Variants in PLEKHG1 observed in about 807,000 individuals in gnomAD.
PLEKHG1 encodes pleckstrin homology domain-containing family G member 1.
In PLEKHG1, 44 loss-of-function variants were observed where a neutral mutation model predicts 100.8. That is an observed-to-expected ratio of 0.44 (90% CI 0.34 to 0.56). The LOEUF is 0.56. Ranked by LOEUF, PLEKHG1 falls within the 20% of genes least tolerant of loss-of-function variation. The pLI is 0.01. For missense variants in PLEKHG1, 1,545 were observed against 1,720.9 expected (o/e 0.90, Z 1.81); for synonymous variants, 640 against 662.5 (o/e 0.97, Z 0.52).
chr6:150,830,780 G>C, exon 15 of PLEKHG1: 1 of 1,614,136 alleles, frequency 6.2e-7, no homozygotes, highest in Non-Finnish European at 8.5e-7. Context: ...GGATGATGAA[G>C]ATGATTATCA....
In PLEKHG1 at chr6:150,819,730, G is replaced by T. The variant is rs751615254; in HGVS notation, c.1364G>T (p.Gly455Val). The T allele has an allele frequency of 8.1e-6, 13 of 1,612,566 alleles. No individual in the cohort carries two copies. The Middle Eastern group carries it at 8.3e-4, about 102-fold the overall frequency. Residue 455 changes from glycine (G) to valine (V), a missense_variant, in exon 12 of 16, where the codon GGC becomes GTC. Gly to Val is a moderately radical substitution (Grantham distance 109). Coordinates refer to ENST00000358517, the Ensembl canonical transcript of PLEKHG1. ...GAGGGAGGGACGAAAGCACTGTTCGGCTCTAAAGAAGGTTCTGCTCCATAT... is the reference window on the plus strand; with the variant it reads ...GAGGGAGGGACGAAAGCACTGTTCGTCTCTAAAGAAGGTTCTGCTCCATAT...
rs201803922 is a variant in PLEKHG1, at chr6:150,812,691, G to A, written c.1278+2957G>A. ...AGAGCAAAGCAAGACTTCTCGTCTG[G>A]CTCGAATGCCGAGTCCATGAGCAGA... On this transcript the variant is annotated intron_variant, in intron 10 of 15. Transcript: ENST00000358517. Among the ~76,000 whole-genome samples the A allele has an allele frequency of 5.2e-4, 79 of 152,254 alleles. No homozygotes were observed. The East Asian group carries it at 0.015, about 29-fold the overall frequency.
intron 5 of PLEKHG1, among the ~76,000 whole-genome samples, chr6:150,798,622 G>A (rs962535665): frequency 6.6e-6 from 1 of 152,186 alleles, no homozygotes; most frequent in Non-Finnish European, 1.5e-5. Flanking sequence ...TTGAAGGTCA[G>A]ATGCAACTAA....
chr6:150,729,479 G>A lies in PLEKHG1; in HGVS notation c.-98-4105G>A, dbSNP rs1302990919. ...GTTGCATTAGAATAGGCCAGACAGG[G>A]TGGAAATCTTAAATTATTTTGAGGA... is the stretch of plus-strand genomic sequence containing the variant. On this transcript the variant is annotated intron_variant, in intron 1 of 15. Transcript: ENST00000358517. 3.3e-5 allele frequency among the ~76,000 whole-genome samples: 5 copies of A among 152,206 alleles called. No individual in the cohort carries two copies. The East Asian group carries it at 9.6e-4, about 29-fold the overall frequency.
intron 11 of PLEKHG1, 71 bp from the exon 13 acceptor site, chr6:150,819,608 A>C (rs1393761052): frequency 1.3e-6 from 1 of 767,424 alleles, no homozygotes; most frequent in Non-Finnish European, 2.3e-6. Flanking sequence ...ATAAATCTAC[A>C]CTAGCCATAA....
rs143446641 is a variant in PLEKHG1 at position 150,835,293 on chromosome 6, G to T, written c.3094+3088G>T. On this transcript the variant is annotated intron_variant, in intron 15 of 15. Transcript: ENST00000358517. ...GGCCTTTGGGTTTCTGGGTTTTTTGGTGATGTTTCACATGGGAGAAAACTC... is the reference window on the plus strand; with the variant it reads ...GGCCTTTGGGTTTCTGGGTTTTTTGTTGATGTTTCACATGGGAGAAAACTC... Among the ~76,000 whole-genome samples, 1,193 of 152,190 alleles carry T rather than the reference G, an allele frequency of 7.8e-3. 6 individuals are homozygous for T. The highest frequency in any genetic ancestry group is 0.013 in the Non-Finnish European group (857 of 68,002).
intron 10 of PLEKHG1, among the ~76,000 whole-genome samples, chr6:150,816,484 C>T (rs1775967837): frequency 6.6e-6 from 1 of 151,514 alleles, no homozygotes; most frequent in Admixed American, 6.6e-5. Context: ...CACACCACCA[C>T]GCACAGCTAA....
At chr6:150,635,110 G>T (rs9478774) in intron 1 of PLEKHG1, among the ~76,000 whole-genome samples, 11,637 of 152,212 alleles carry the variant, frequency 0.076, 551 homozygotes, top group Non-Finnish European at 0.11. Flanking sequence ...TACCCTTCAC[G>T]GGCTTATCAC....
At chr6:150,768,792 CAAAT>C (rs1784571994) in intron 3 of PLEKHG1, 54 bp downstream of exon 4, 5 of 1,019,534 alleles carry the variant, frequency 4.9e-6, no homozygotes, top group Middle Eastern at 2.1e-4. Flanking sequence ...GAAAATTTCT[CAAAT>C]GAATGCAGCC....
chr6:150,779,471 G>A (rs376299812), intron 3 of PLEKHG1, among the ~76,000 whole-genome samples: 3 of 150,608 alleles, frequency 2.0e-5, no homozygotes, highest in East Asian at 2.0e-4. Flanking sequence ...TCAGTCTCCC[G>A]AGTAGCTGGG....
In PLEKHG1 at chr6:150,722,158, G is replaced by A. The variant is rs1033666561; in HGVS notation, c.-99+958G>A. 3.3e-5 allele frequency among the ~76,000 whole-genome samples: 5 copies of A among 151,826 alleles called. No homozygotes were observed. The East Asian group carries it at 9.7e-4, about 29-fold the overall frequency. On this transcript the variant is annotated intron_variant, in intron 1 of 15. Transcript: ENST00000358517. ...GCATTTTAAATTCAAAATTAGGATC[G>A]TATTATATGTTTTTTAAACTACCCA...
In PLEKHG1 at chr6:150,819,662, C is replaced by T. The variant is rs746216463; in HGVS notation, c.1313-17C>T. On this transcript the variant is annotated splice_polypyrimidine_tract_variant and intron_variant, in intron 11 of 15. Coordinates refer to ENST00000358517, the Ensembl canonical transcript of PLEKHG1. ...CTGACACCACAGTCCCACTGATGCA[C>T]GTGGTTATCTTTACAGATCATCCAG... is the stretch of plus-strand genomic sequence containing the variant. The T allele has an allele frequency of 1.8e-5, 26 of 1,475,154 alleles. No homozygotes were observed. Among genetic ancestry groups the T allele is most frequent in the Middle Eastern group, 1.7e-4 (1 of 5,804 alleles). 91.4% of individuals were successfully genotyped at this position (1,475,154 alleles called of 1,614,324 possible). A position where few individuals can be genotyped will look rare whatever the true frequency, so the allele number is the denominator to read the frequency against.
chr6:150,701,417 T>TTATATATATATATATA lies in PLEKHG1; in HGVS notation c.-98-32132_-98-32117dup, dbSNP rs56982419. On this transcript the variant is annotated intron_variant, in intron 3 of 3. Coordinates refer to the PLEKHG1 transcript ENST00000367326. ...TTTGTAAAGAATAAGCAGTAATTCT[T>TTATATATATATATATA]TATATATATATATATATATATATAT... is the stretch of plus-strand genomic sequence containing the variant. 2.6e-4 allele frequency among the ~76,000 whole-genome samples: 8 copies of TTATATATATATATATA among 31,156 alleles called. 1 individual carries two copies. The highest frequency in any genetic ancestry group is 3.5e-4 in the Admixed American group (1 of 2,846). The allele number at this position is 31,156 out of a possible 152,430, so 20.4% of individuals were successfully genotyped here.
At chr6:150,738,923 A>G (rs567835243) in intron 2 of PLEKHG1, among the ~76,000 whole-genome samples, 1 of 152,306 alleles carries the variant, frequency 6.6e-6, no homozygotes, top group East Asian at 1.9e-4. Flanking sequence ...CCAATGATAC[A>G]ATTTGTGGAG....
intron 2 of PLEKHG1, among the ~76,000 whole-genome samples, chr6:150,752,995 C>G (rs1229731739): frequency 1.6e-4 from 25 of 152,084 alleles, no homozygotes; most frequent in Non-Finnish European, 1.5e-5. Context: ...TTCCTGTAGT[C>G]CAAGCTACTT....
intron 3 of PLEKHG1, among the ~76,000 whole-genome samples, chr6:150,655,015 A>G (rs889677075): frequency 2.6e-5 from 4 of 152,242 alleles, no homozygotes; most frequent in Admixed American, 1.3e-4. Context: ...ATTTTTAAAA[A>G]TATGTAAAGT....
intron 1 of PLEKHG1, among the ~76,000 whole-genome samples, chr6:150,636,871 C>T (rs1267311730): frequency 1.3e-5 from 2 of 152,138 alleles, no homozygotes; most frequent in African/African-American, 4.8e-5. Context: ...TTTGTCTTGT[C>T]TCCAACTTAT....
At chr6:150,747,237 T>C (rs1206406001) in intron 2 of PLEKHG1, among the ~76,000 whole-genome samples, 1 of 152,232 alleles carries the variant, frequency 6.6e-6, no homozygotes, top group Non-Finnish European at 1.5e-5. Flanking sequence ...CAGCCTTCAG[T>C]TGGGAGAAGT....
At chr6:150,761,576 G>A (rs375899281) in intron 2 of PLEKHG1, among the ~76,000 whole-genome samples, 1 of 152,248 alleles carries the variant, frequency 6.6e-6, no homozygotes, top group African/African-American at 2.4e-5. Flanking sequence ...ATGCAGGGGT[G>A]AGCCACCACA....
Sources: allele counts gnomAD v4.1 joint callset (sites outside exome capture counted in the v4.1 genomes callset), GRCh38; gene constraint gnomAD v4.1.1; transcripts MANE v1.5; gene names NCBI Gene and HGNC (gene_info 2026-07-23, HGNC 2026-07-21).